DPP6: variants seen among roughly 807,000 people sequenced by gnomAD.
DPP6 encodes dipeptidyl peptidase like 6.
A neutral mutation model predicts 122.6 loss-of-function variants in DPP6; 69 were observed. The observed-to-expected ratio is 0.56, with a 90% CI of 0.46 to 0.69. DPP6 has a LOEUF of 0.69. Ranked by LOEUF, DPP6 falls within the 30% of genes least tolerant of loss-of-function variation. The pLI is 0.00. For missense variants in DPP6, 928 were observed against 1,116.9 expected (o/e 0.83, Z 2.41); for synonymous variants, 418 against 433.1 (o/e 0.97, Z 0.43).
rs1815818897 is a variant in DPP6 at position 154,403,485 on chromosome 7, G to C, written c.244-42729G>C. On this transcript the variant is annotated intron_variant, in intron 1 of 25. Coordinates refer to ENST00000377770, the MANE Select transcript of DPP6 (RefSeq NM_130797.4). This position sits in a 1 kb window ranked among gnomAD's most constrained non-coding sequence, Gnocchi z 4.1. ...GCCATGCATGAAGACAGGCTGGGGG[G>C]CGCTAATGCAGCTTTCTCTCCTGGA... Among the ~76,000 whole-genome samples the C allele has an allele frequency of 6.6e-6, 1 of 152,208 alleles. No individual in the cohort carries two copies. The highest frequency in any genetic ancestry group is 2.4e-5 in the African/African-American group (1 of 41,450).
intron 1 of DPP6, among the ~76,000 whole-genome samples, chr7:154,355,170 T>A (rs1811174372): frequency 6.6e-6 from 1 of 152,228 alleles, no homozygotes; most frequent in African/African-American, 2.4e-5. Context: ...CTATTCAAGT[T>A]TTTTGCTCAT....
intron 5 of DPP6, among the ~76,000 whole-genome samples, chr7:154,570,045 G>A (rs1237266827): frequency 6.6e-6 from 1 of 151,916 alleles, no homozygotes; most frequent in Non-Finnish European, 1.5e-5. Context: ...AGTTCCGTAT[G>A]TATACCCAGG....
chr7:154,530,522 G>A lies in DPP6; in HGVS notation c.458-10010G>A, dbSNP rs757584401. Among the ~76,000 whole-genome samples the A allele has an allele frequency of 7.0e-4, 107 of 152,136 alleles. 1 individual carries two copies. Among genetic ancestry groups the A allele is most frequent in the Non-Finnish European group, 4.6e-4 (31 of 68,018 alleles). ...ATGTTGGCAAGGTTGCAGAGAAAAT[G>A]TAGCACTTTTACACCTTGGTGGGAA... On this transcript the variant is annotated intron_variant, in intron 3 of 25. Coordinates refer to ENST00000377770, the MANE Select transcript of DPP6 (RefSeq NM_130797.4).
At chr7:154,266,859 T>C (rs1161166413) in intron 1 of DPP6, among the ~76,000 whole-genome samples, 1 of 152,212 alleles carries the variant, frequency 6.6e-6, no homozygotes, top group Non-Finnish European at 1.5e-5. Flanking sequence ...CTTTTGTACT[T>C]TCATTCTCTC....
the DPP6 span, among the ~76,000 whole-genome samples, chr7:153,826,330 G>C: frequency 3.3e-5 from 5 of 152,298 alleles, no homozygotes; most frequent in African/African-American, 1.2e-4. Context: ...ACACACATTT[G>C]GGATAGAATT....
intron 16 of DPP6, among the ~76,000 whole-genome samples, chr7:154,819,336 A>C (rs1165051857): frequency 6.6e-6 from 1 of 152,108 alleles, no homozygotes; most frequent in Non-Finnish European, 1.5e-5. Flanking sequence ...AATCACTTGA[A>C]CCCGGGAAGC....
chr7:154,313,716 C>CATATATATATATATATATACTCAT, intron 1 of DPP6, among the ~76,000 whole-genome samples: 1 of 22,314 alleles, frequency 4.5e-5, no homozygotes, highest in African/African-American at 1.1e-4. Flanking sequence ...TATATATATA[C>CATATATATATATATATATACTCAT]ACACACACGC....
chr7:154,496,571 G>T lies in DPP6; in HGVS notation c.457+21534G>T, dbSNP rs138184698. ...TGGCTAGACCCCACAAGAAAGTCAA[G>T]CTCCTTTGAACCCACAGTGTGCTGG... On this transcript the variant is annotated intron_variant, in intron 3 of 25. Transcript: ENST00000377770. Among the ~76,000 whole-genome samples the T allele has an allele frequency of 3.3e-3, 506 of 152,320 alleles. 2 individuals are homozygous for T. Among genetic ancestry groups the T allele is most frequent in the African/African-American group, 0.012 (478 of 41,564 alleles).
At chr7:154,776,085 C>T (rs1796541869) in intron 10 of DPP6, among the ~76,000 whole-genome samples, 1 of 151,896 alleles carries the variant, frequency 6.6e-6, no homozygotes, top group Non-Finnish European at 1.5e-5. Context: ...CCAGAGTAAC[C>T]CTTTAAATGA....
intron 1 of DPP6, among the ~76,000 whole-genome samples, chr7:154,283,556 G>A (rs1804664097): frequency 6.6e-6 from 1 of 152,100 alleles, no homozygotes; most frequent in East Asian, 1.9e-4. Flanking sequence ...AACTAGGCAG[G>A]GCTCTGTTCT....
intron 16 of DPP6, among the ~76,000 whole-genome samples, chr7:154,825,145 G>A (rs1239656985): frequency 6.6e-6 from 1 of 152,136 alleles, no homozygotes; most frequent in African/African-American, 2.4e-5. Flanking sequence ...ATACCAGATG[G>A]CCAAAGAGGA....
chr7:154,673,639 C>A (rs190024820), intron 7 of DPP6, among the ~76,000 whole-genome samples: 122 of 152,218 alleles, frequency 8.0e-4, no homozygotes, highest in Admixed American at 2.6e-3. Context: ...GCTGAGGACC[C>A]AGGATGTGAT....
At chr7:154,721,452 T>C (rs1440995034) in intron 7 of DPP6, among the ~76,000 whole-genome samples, 1 of 152,214 alleles carries the variant, frequency 6.6e-6, no homozygotes, top group Non-Finnish European at 1.5e-5. Flanking sequence ...AGCGAGTTAA[T>C]GCTCATAAAG....
chr7:154,504,435 G>C (rs1483088048), intron 3 of DPP6, among the ~76,000 whole-genome samples: 1 of 152,172 alleles, frequency 6.6e-6, no homozygotes, highest in Non-Finnish European at 1.5e-5. Flanking sequence ...CATTAGCGAT[G>C]TGACGTATGA....
the DPP6 span, among the ~76,000 whole-genome samples, chr7:153,785,240 G>A: frequency 2.6e-5 from 4 of 152,114 alleles, no homozygotes; most frequent in African/African-American, 4.8e-5. Context: ...GTTTCTGCAC[G>A]TTCTGCTCTG....
In DPP6 at chr7:154,879,396, C is replaced by T. The variant is rs1307736235; in HGVS notation, c.2079-1492C>T. Among the ~76,000 whole-genome samples the T allele has an allele frequency of 4.6e-4, 58 of 124,746 alleles. 8 individuals carry two copies. Among genetic ancestry groups the T allele is most frequent in the Middle Eastern group, 4.1e-3 (1 of 246 alleles). The allele number at this position is 124,746 out of a possible 152,430, so 81.8% of individuals were successfully genotyped here. On this transcript the variant is annotated intron_variant, in intron 20 of 25. Transcript: ENST00000377770. ...GAGATCGAGACCATCCTGGCTAACA[C>T]GGTGAAACCCCGTCTCTACTAAAAA... is the stretch of plus-strand genomic sequence containing the variant.
intron 3 of DPP6, among the ~76,000 whole-genome samples, chr7:154,487,854 G>T (rs1205131297): frequency 6.6e-6 from 1 of 152,094 alleles, no homozygotes. Flanking sequence ...AGACTCACTT[G>T]ATCTCTTCGG....
At chr7:153,840,047 A>G in the DPP6 span, among the ~76,000 whole-genome samples, 1 of 152,216 alleles carries the variant, frequency 6.6e-6, no homozygotes, top group Non-Finnish European at 1.5e-5. Flanking sequence ...TGGAGTCCTT[A>G]TGAGAGATAG....
intron 5 of DPP6, among the ~76,000 whole-genome samples, chr7:154,634,903 T>G (rs761834075): frequency 2.6e-5 from 4 of 152,206 alleles, no homozygotes; most frequent in African/African-American, 4.8e-5. Context: ...GGGAATGAAT[T>G]TAAATCACTG....
Sources: gnomAD v4.1 joint callset for allele counts (sites outside exome capture counted in the v4.1 genomes callset) on GRCh38, gnomAD v4.1.1 for gene constraint, Gnocchi (gnomAD v3.1) non-coding constraint, MANE v1.5 for transcripts, NCBI Gene and HGNC (gene_info 2026-07-23, HGNC 2026-07-21) for gene names.